Variants in PRELID2 observed in about 807,000 individuals in gnomAD.
The protein encoded by PRELID2 is PRELI domain containing 2.
Under a neutral mutation model 28.4 loss-of-function variants are expected in PRELID2, and 25 were observed. The observed-to-expected ratio is 0.88, with a 90% CI of 0.64 to 1.23. PRELID2 has a LOEUF of 1.23. PRELID2 is among the 50% of genes most tolerant of loss of function. The pLI is 0.00. For missense variants in PRELID2, 201 were observed against 214.4 expected (o/e 0.94, Z 0.39); for synonymous variants, 76 against 71.6 (o/e 1.06, Z -0.31).
At chr5:145,819,325 C>G (rs1754592483) in intron 3 of PRELID2, 3 of 1,174,388 alleles carry the variant, frequency 2.6e-6, no homozygotes, top group Non-Finnish European at 3.8e-6. Context: ...TAAAAGGACT[C>G]CCACTGAAAA....
the PRELID2 span, among the ~76,000 whole-genome samples, chr5:145,251,902 T>A: frequency 6.6e-6 from 1 of 152,118 alleles, no homozygotes; most frequent in Non-Finnish European, 1.5e-5. Context: ...CAGGGGTCCA[T>A]GTCTGAATAA....
the PRELID2 span, among the ~76,000 whole-genome samples, chr5:145,352,823 G>A: frequency 6.6e-6 from 1 of 152,058 alleles, no homozygotes; most frequent in Non-Finnish European, 1.5e-5. Flanking sequence ...CAGATCTCTA[G>A]TGAAGGGGCA....
chr5:145,490,559 T>C (rs1752259792), intron 1 of PRELID2, among the ~76,000 whole-genome samples: 1 of 152,168 alleles, frequency 6.6e-6, no homozygotes, highest in Non-Finnish European at 1.5e-5. Flanking sequence ...TCATATCCAT[T>C]CTAAGGCAGT....
chr5:145,703,612 G>A (rs575930510), intron 1 of PRELID2, among the ~76,000 whole-genome samples: 1 of 152,298 alleles, frequency 6.6e-6, no homozygotes, highest in African/African-American at 2.4e-5. Flanking sequence ...ACTGCAGCTA[G>A]GGAAAGAAGA....
the PRELID2 span, among the ~76,000 whole-genome samples, chr5:145,231,556 T>C: frequency 6.6e-6 from 1 of 152,202 alleles, no homozygotes; most frequent in African/African-American, 2.4e-5. Flanking sequence ...TATAAATAAA[T>C]AATAGGATTA....
intron 1 of PRELID2, among the ~76,000 whole-genome samples, chr5:145,747,408 A>C (rs1757020548): frequency 6.6e-6 from 1 of 152,224 alleles, no homozygotes; most frequent in South Asian, 2.1e-4. Flanking sequence ...CTCTATGCAA[A>C]TAAACTAGAA....
chr5:145,630,505 G>A (rs1753917396), intron 1 of PRELID2, among the ~76,000 whole-genome samples: 1 of 152,194 alleles, frequency 6.6e-6, no homozygotes, highest in Non-Finnish European at 1.5e-5. Context: ...TGCCTTGAGT[G>A]AGTCTGAGTA....
At position 145,565,282 on chromosome 5, in the gene PRELID2, C is replaced by T. The variant is rs1051234332; in HGVS notation, n.71-91967G>A. Among the ~76,000 whole-genome samples, 8 of 152,302 alleles carry T rather than the reference C, an allele frequency of 5.3e-5. No homozygotes were observed. The East Asian group carries it at 1.2e-3, about 22-fold the overall frequency. On this transcript the variant is annotated intron_variant and non_coding_transcript_variant, in intron 1 of 2. Transcript: ENST00000510259. ...TGGCTACTGCTCCATTTGCCAGTGG[C>T]GATCAGGCCTAAGTGACTGAATTGC...
At chr5:145,631,110 A>G (rs546540234) in intron 1 of PRELID2, among the ~76,000 whole-genome samples, 52 of 152,176 alleles carry the variant, frequency 3.4e-4, no homozygotes, top group Non-Finnish European at 6.3e-4. Context: ...ACACAAATAT[A>G]AGAGCACAAC....
At chr5:145,555,537 G>A (rs1050271712) in intron 1 of PRELID2, among the ~76,000 whole-genome samples, 1 of 152,156 alleles carries the variant, frequency 6.6e-6, no homozygotes, top group African/African-American at 2.4e-5. Flanking sequence ...CCTAGATTTG[G>A]GGTAGCATTA....
At chr5:145,668,360 G>T (rs1754637758) in intron 1 of PRELID2, among the ~76,000 whole-genome samples, 1 of 144,760 alleles carries the variant, frequency 6.9e-6, no homozygotes, top group Admixed American at 7.0e-5. Context: ...GATTATGAAG[G>T]TGGTTAAAAA....
chr5:145,360,427 A>G, the PRELID2 span, among the ~76,000 whole-genome samples: 1 of 152,096 alleles, frequency 6.6e-6, no homozygotes, highest in African/African-American at 2.4e-5. Flanking sequence ...GCAAGAAAGG[A>G]AAGACGAAGG....
At chr5:145,664,709 C>T (rs1000667549) in intron 1 of PRELID2, among the ~76,000 whole-genome samples, 3 of 152,108 alleles carry the variant, frequency 2.0e-5, no homozygotes, top group Non-Finnish European at 4.4e-5. Context: ...CAAGGTGGCT[C>T]TGGCAAAACC....
the PRELID2 span, among the ~76,000 whole-genome samples, chr5:145,382,681 C>T: frequency 6.6e-6 from 1 of 151,928 alleles, no homozygotes; most frequent in South Asian, 2.1e-4. Flanking sequence ...GAACTAATTA[C>T]CAGCAGACCC....
rs191767679 is a variant in PRELID2 at position 145,640,240 on chromosome 5, A to T, written n.70+124691T>A. ...GGTGGCTCACGCCTGTAATCCCAGC[A>T]ATTTGGGAGGCCGAGGCGGGCGGAT... On this transcript the variant is annotated intron_variant and non_coding_transcript_variant, in intron 1 of 2. Transcript: ENST00000510259. 4.9e-3 allele frequency among the ~76,000 whole-genome samples: 746 copies of T among 152,068 alleles called. 4 individuals are homozygous for T. The highest frequency in any genetic ancestry group is 6.8e-3 in the Middle Eastern group (2 of 292).
Position 145,630,502 on chromosome 5 carries a change from A to T in PRELID2, n.70+134429T>A, listed in dbSNP as rs1331701067. Among the ~76,000 whole-genome samples the T allele has an allele frequency of 3.9e-5, 6 of 152,190 alleles. No individual in the cohort carries two copies. The South Asian group carries it at 6.2e-4, about 16-fold the overall frequency. On this transcript the variant is annotated intron_variant and non_coding_transcript_variant, in intron 1 of 2. Coordinates refer to the PRELID2 transcript ENST00000510259. ...TTCTCCATTGCACAAGCCTGCCTTG[A>T]GTGAGTCTGAGTAAACTGTATCAGC...
At chr5:145,514,168 G>A (rs1158347772) in intron 1 of PRELID2, among the ~76,000 whole-genome samples, 5 of 152,030 alleles carry the variant, frequency 3.3e-5, no homozygotes, top group Admixed American at 3.3e-4. Flanking sequence ...ATGTAAATGG[G>A]TTAAATGCCG....
At chr5:145,396,842 G>A in the PRELID2 span, among the ~76,000 whole-genome samples, 1,034 of 149,232 alleles carry the variant, frequency 6.9e-3, 3 homozygotes, top group Non-Finnish European at 0.01. Flanking sequence ...CTAAGGTGAA[G>A]AGAAGCAGAA....
chr5:145,271,943 C>A, the PRELID2 span, among the ~76,000 whole-genome samples: 596 of 152,232 alleles, frequency 3.9e-3, 1 homozygote, highest in South Asian at 0.015. Context: ...TTATTCCATA[C>A]CAAATAAACT....
Sources: gnomAD v4.1 joint callset for allele counts (sites outside exome capture counted in the v4.1 genomes callset) on GRCh38, gnomAD v4.1.1 for gene constraint, MANE v1.5 for transcripts, NCBI Gene and HGNC (gene_info 2026-07-23, HGNC 2026-07-21) for gene names.